Variants in CFAP58 observed in about 807,000 individuals in gnomAD.
CFAP58 encodes cilia- and flagella-associated protein 58.
CFAP58 carries 88 observed loss-of-function variants against 119.5 expected under a neutral mutation model. That is an observed-to-expected ratio of 0.74 (90% CI 0.62 to 0.88). The LOEUF is 0.88. Ranked by LOEUF, CFAP58 falls within the 40% of genes least tolerant of loss-of-function variation. CFAP58 has a pLI of 0.00. For synonymous variants in CFAP58, 365 were observed against 366.3 expected, an observed-to-expected ratio of 1.00 and a Z score of 0.04; for missense variants, 990 against 1,021.2, an observed-to-expected ratio of 0.97 and a Z score of 0.42.
At chr10:104,373,094 C>T (rs907645596) in intron 7 of CFAP58, among the ~76,000 whole-genome samples, 1 of 151,542 alleles carries the variant, frequency 6.6e-6, no homozygotes, top group African/African-American at 2.4e-5. Context: ...CCAAAAAAAT[C>T]AGAGTATATA....
At chr10:104,438,348 GTTTTTTTTTT>G (rs759400382) in intron 15 of CFAP58, among the ~76,000 whole-genome samples, 11 of 36,740 alleles carry the variant, frequency 3.0e-4, no homozygotes, top group Admixed American at 1.6e-3. Flanking sequence ...TTTGTTTTTT[GTTTTTTTTTT>G]TTGTTTTTTT....
chr10:104,347,745 G>T, the CFAP58 span, among the ~76,000 whole-genome samples: 1 of 151,958 alleles, frequency 6.6e-6, no homozygotes, highest in Non-Finnish European at 1.5e-5. Flanking sequence ...AACAAATAAG[G>T]TTATTTTGTT....
At chr10:104,338,657 A>G in the CFAP58 span, among the ~76,000 whole-genome samples, 2 of 151,786 alleles carry the variant, frequency 1.3e-5, no homozygotes, top group East Asian at 2.0e-4. Context: ...GAGAGACGGA[A>G]TCAGGCCAGT....
chr10:104,371,014 C>T lies in CFAP58; in HGVS notation c.1050C>T (p.His350=), dbSNP rs762510751. 2.4e-5 allele frequency: 38 copies of T among 1,611,772 alleles called. No individual in the cohort carries two copies. In the South Asian group the frequency reaches 4.2e-4, roughly 18 times the overall value. ...TEDQKAEVEQ[H]KETLKNQIVG... is the part of the protein sequence containing the mutation. ...ATCAAAAGGCAGAAGTCGAACAGCA[C>T]AAAGAAACCCTAAAAAATCAGATTG... The change falls in exon 7 of 18, where the codon CAC becomes CAT. Residue 350 remains histidine, a synonymous_variant. Transcript: ENST00000369704.
In CFAP58 at chr10:104,393,467, A is replaced by G; in HGVS notation, c.1666A>G (p.Thr556Ala). 1.9e-6 allele frequency: 3 copies of G among 1,613,652 alleles called. No individual in the cohort carries two copies. In the South Asian group the frequency reaches 3.3e-5, roughly 18 times the overall value. Residue 556 changes from threonine (T) to alanine (A), a missense_variant, in exon 11 of 18, where the codon ACA (threonine) becomes GCA (alanine). Physicochemically the swap from Thr to Ala is moderately conservative, Grantham distance 58 (BLOSUM62 0). Transcript: ENST00000369704. ...GCAGCGAATAGAAAAGGAAAAGGAA[A>G]CATTGAAGGTACTGACCTCATAGTA... Reference protein sequence around the residue: ...EQQRIEKEKETLKAELQKLRQ... With the variant: ...EQQRIEKEKEALKAELQKLRQ...
chr10:104,360,354 A>T (rs1326476317), intron 2 of CFAP58, among the ~76,000 whole-genome samples: 2 of 152,086 alleles, frequency 1.3e-5, no homozygotes, highest in Admixed American at 1.3e-4. Context: ...GAAGCATAAC[A>T]CTGGCATCTG....
the CFAP58 span, among the ~76,000 whole-genome samples, chr10:104,341,116 C>T: frequency 6.6e-6 from 1 of 152,192 alleles, no homozygotes; most frequent in African/African-American, 2.4e-5. Flanking sequence ...GGTGAATCCC[C>T]TTGGCCCTGT....
intron 4 of CFAP58, 50 bp downstream of exon 4, chr10:104,364,939 T>G: frequency 6.3e-7 from 1 of 1,581,634 alleles, no homozygotes; most frequent in South Asian, 1.1e-5. Context: ...AGAGGATGTT[T>G]GTCCCTCCAC....
At chr10:104,447,911 G>A (rs1387776810) in intron 16 of CFAP58, 94 bp downstream of exon 16, 1 of 1,426,728 alleles carries the variant, frequency 7.0e-7, no homozygotes, top group Non-Finnish European at 9.4e-7. Context: ...CAATGAGCCA[G>A]TCTCTCAATG....
At position 104,353,880 on chromosome 10, in the gene CFAP58, C is replaced by G; in HGVS notation, c.-18C>G. 6.2e-7 allele frequency: 1 copy of G among 1,612,576 alleles called. No homozygotes were observed. The highest frequency in any genetic ancestry group is 8.5e-7 in the Non-Finnish European group (1 of 1,178,832). On this transcript the variant is annotated 5_prime_UTR_variant, in exon 1 of 18. Coordinates refer to ENST00000369704, the MANE Select transcript of CFAP58 (RefSeq NM_001008723.2). ...ATCTCCACAGCAGCCTCTGAGGCCG[C>G]CCCCAGAGAGCATCAGGATGGCTGA...
intron 11 of CFAP58, among the ~76,000 whole-genome samples, chr10:104,394,877 G>T (rs944765133): frequency 5.3e-5 from 8 of 152,308 alleles, no homozygotes; most frequent in African/African-American, 1.4e-4. Flanking sequence ...GTGGGATAGG[G>T]TTTATTTATT....
intron 11 of CFAP58, 129 bp from the exon 12 acceptor site, chr10:104,399,231 C>G (rs1353601709): frequency 2.2e-6 from 2 of 908,256 alleles, no homozygotes; most frequent in African/African-American, 1.7e-5. Flanking sequence ...TGAGAGTGAT[C>G]AAACTGTGTT....
rs768020031 is a variant in CFAP58, at chr10:104,400,668, C to T, written c.1816-12C>T. 1.6e-5 allele frequency: 25 copies of T among 1,611,356 alleles called. No homozygotes were observed. Among genetic ancestry groups the T allele is most frequent in the Non-Finnish European group, 2.1e-5 (25 of 1,178,388 alleles). On this transcript the variant is annotated splice_polypyrimidine_tract_variant and intron_variant, in intron 12 of 17. Coordinates refer to ENST00000369704, the MANE Select transcript of CFAP58 (RefSeq NM_001008723.2). ...CCTTCCCTGGTGACTATGCCCCTCCCTACCTTCCTAGGTCATCAGTGAGAG... is the reference window on the plus strand; with the variant it reads ...CCTTCCCTGGTGACTATGCCCCTCCTTACCTTCCTAGGTCATCAGTGAGAG...
At position 104,376,694 on chromosome 10, in the gene CFAP58, T is replaced by C. The variant is rs377689152; in HGVS notation, c.1091-117T>C. The C allele has an allele frequency of 1.6e-4, 113 of 689,206 alleles. No homozygotes were observed. The African/African-American group carries it at 1.7e-3, about 10-fold the overall frequency. The allele number at this position is 689,206 out of a possible 1,614,324, so 42.7% of individuals were successfully genotyped here. A position where few individuals can be genotyped will look rare whatever the true frequency, so the allele number is the denominator to read the frequency against. On this transcript the variant is annotated intron_variant, in intron 7 of 17. Transcript: ENST00000369704. ...CCAAAGGTCACATACACTTGGTTAA[T>C]AGTAGTTTTATAGCTAGAGACAAAC...
chr10:104,423,358 T>C (rs1296536564), intron 15 of CFAP58, among the ~76,000 whole-genome samples: 2 of 152,226 alleles, frequency 1.3e-5, no homozygotes, highest in East Asian at 3.8e-4. Flanking sequence ...AATGTAACAT[T>C]TACTATTTTC....
intron 11 of CFAP58, among the ~76,000 whole-genome samples, chr10:104,394,736 T>C (rs2012117330): frequency 6.6e-6 from 1 of 152,264 alleles, no homozygotes; most frequent in South Asian, 2.1e-4. Flanking sequence ...AGATTCTGCA[T>C]TGTTTTTTAT....
intron 16 of CFAP58, 95 bp from the exon 17 acceptor site, chr10:104,449,976 C>G (rs2013168432): frequency 9.5e-6 from 12 of 1,265,836 alleles, no homozygotes; most frequent in Non-Finnish European, 1.3e-5. Context: ...TGTTTTGCAC[C>G]TCTAGCTCCA....
chr10:104,446,877 A>T (rs2013118990), intron 15 of CFAP58, among the ~76,000 whole-genome samples: 1 of 152,248 alleles, frequency 6.6e-6, no homozygotes, highest in African/African-American at 2.4e-5. Flanking sequence ...ATAAAGTTAC[A>T]GAATTATCAT....
intron 3 of CFAP58, among the ~76,000 whole-genome samples, chr10:104,362,716 T>C (rs1376341366): frequency 6.6e-6 from 1 of 152,214 alleles, no homozygotes; most frequent in Non-Finnish European, 1.5e-5. Flanking sequence ...GGCAGTAGCG[T>C]CCTAACTGGT....
Sources: allele counts gnomAD v4.1 joint callset (sites outside exome capture counted in the v4.1 genomes callset), GRCh38; gene constraint gnomAD v4.1.1; transcripts MANE v1.5; gene names NCBI Gene and HGNC (gene_info 2026-07-23, HGNC 2026-07-21).